APBA1: variants seen among roughly 807,000 people sequenced by gnomAD.
The protein encoded by APBA1 is amyloid-beta A4 precursor protein-binding family A member 1.
APBA1 carries 55 observed loss-of-function variants against 86.6 expected under a neutral mutation model. The ratio of observed to expected loss-of-function variants is 0.64; its 90% CI spans 0.51 to 0.80. The LOEUF is 0.80. APBA1 is among the 30% of genes least tolerant of loss of function. APBA1 has a pLI of 0.00. For missense variants in APBA1, 1,090 were observed against 1,183.0 expected (o/e 0.92, Z 1.15); for synonymous variants, 511 against 493.9 (o/e 1.03, Z -0.46).
intron 1 of APBA1, among the ~76,000 whole-genome samples, chr9:69,531,488 T>C (rs1038102153): frequency 2.6e-5 from 4 of 152,174 alleles, no homozygotes; most frequent in Non-Finnish European, 2.9e-5. Flanking sequence ...ACCCCTGTCC[T>C]CTAATTTCAG....
rs774839950 is a variant in APBA1 at position 69,516,023 on chromosome 9, C to T, written c.1188G>A (p.Pro396=). Residue 396 remains proline (P), a synonymous_variant, in exon 2 of 13, where the codon CCG becomes CCA. Transcript: ENST00000265381. This position sits in a 1 kb window ranked among gnomAD's most constrained non-coding sequence, Gnocchi z 7.3. Reference sequence around the variant, plus strand: ...CGCACCTACTTACATCTCCGTCCATCGGCCTCTGGTCGTCACAGTCCCTGG... The same window carrying T: ...CGCACCTACTTACATCTCCGTCCATTGGCCTCTGGTCGTCACAGTCCCTGG... ...SPTRDCDDQR[P]MDGDSPSPGS... is the part of the protein sequence containing the mutation. 3.2e-6 allele frequency: 5 copies of T among 1,575,206 alleles called. No homozygotes were observed. Among genetic ancestry groups the T allele is most frequent in the Non-Finnish European group, 8.6e-7 (1 of 1,156,904 alleles).
upstream of APBA1, among the ~76,000 whole-genome samples, chr9:69,672,544 G>A (rs1823977463): frequency 6.8e-6 from 1 of 147,248 alleles, no homozygotes; most frequent in Admixed American, 6.7e-5. Flanking sequence ...TGCGCGCGCG[G>A]CCCGCGAGCC....
At chr9:69,628,987 T>C (rs945911186) in intron 1 of APBA1, among the ~76,000 whole-genome samples, 7 of 152,200 alleles carry the variant, frequency 4.6e-5, no homozygotes, top group Non-Finnish European at 8.8e-5. Flanking sequence ...CACAATTATA[T>C]TTTTTAGGCT....
chr9:69,476,376 C>T (rs934821977), intron 2 of APBA1, among the ~76,000 whole-genome samples: 2 of 152,026 alleles, frequency 1.3e-5, no homozygotes, highest in Non-Finnish European at 2.9e-5. Context: ...AGCTATGGGC[C>T]GTTTTTCCCC....
At chr9:69,437,260 C>T (rs371673768) in intron 11 of APBA1, among the ~76,000 whole-genome samples, 31 of 151,054 alleles carry the variant, frequency 2.1e-4, no homozygotes, top group Non-Finnish European at 3.5e-4. Flanking sequence ...TGTCTCTGCC[C>T]GGCTTTGGTA....
intron 2 of APBA1, among the ~76,000 whole-genome samples, chr9:69,511,626 A>G (rs1057444068): frequency 6.6e-6 from 1 of 151,892 alleles, no homozygotes; most frequent in Non-Finnish European, 1.5e-5. Context: ...ATGCACACGT[A>G]TGTTTACTGC....
intron 1 of APBA1, among the ~76,000 whole-genome samples, chr9:69,536,672 G>A (rs1461940041): frequency 7.4e-6 from 1 of 134,896 alleles, no homozygotes; most frequent in African/African-American, 2.8e-5. Context: ...TTTGAGAGCA[G>A]CCTGGCCAAC....
intron 1 of APBA1, among the ~76,000 whole-genome samples, chr9:69,608,855 G>A (rs1822527065): frequency 6.6e-6 from 1 of 152,174 alleles, no homozygotes; most frequent in Non-Finnish European, 1.5e-5. Context: ...TGTAGTAGGT[G>A]TGGCTTTTTT....
chr9:69,457,978 G>A (rs1305344450), intron 6 of APBA1, among the ~76,000 whole-genome samples, 178 bp downstream of exon 6: 4 of 152,160 alleles, frequency 2.6e-5, no homozygotes, highest in Non-Finnish European at 5.9e-5. Context: ...AACAGAAAAC[G>A]GCCACCTTCG....
At chr9:69,560,921 T>C (rs111290062) in intron 1 of APBA1, among the ~76,000 whole-genome samples, 1 of 152,352 alleles carries the variant, frequency 6.6e-6, no homozygotes, top group African/African-American at 2.4e-5. Context: ...TTCAAGTTAT[T>C]AATTCATCTA....
At chr9:69,627,611 G>A (rs914166373) in intron 1 of APBA1, among the ~76,000 whole-genome samples, 1 of 152,076 alleles carries the variant, frequency 6.6e-6, no homozygotes, top group African/African-American at 2.4e-5. Context: ...TGGAAATAGT[G>A]TTAATGCCAT....
intron 1 of APBA1, among the ~76,000 whole-genome samples, chr9:69,581,024 C>T (rs770248983): frequency 5.3e-5 from 8 of 152,154 alleles, no homozygotes; most frequent in Non-Finnish European, 1.0e-4. Context: ...ATTTCCTGAG[C>T]AGCAGGGGAC....
intron 1 of APBA1, among the ~76,000 whole-genome samples, chr9:69,663,859 C>T (rs1823798627): frequency 6.6e-6 from 1 of 152,158 alleles, no homozygotes; most frequent in South Asian, 2.1e-4. Context: ...ATGTGTATTT[C>T]AGAAAAGAGA....
intron 2 of APBA1, among the ~76,000 whole-genome samples, chr9:69,498,801 T>C (rs1008448752): frequency 6.6e-5 from 10 of 152,186 alleles, no homozygotes; most frequent in African/African-American, 2.4e-4. Context: ...CAGCATAGCT[T>C]TGAGGCCATA....
Position 69,516,699 on chromosome 9 carries a change from G to A in APBA1, c.512C>T (p.Thr171Met), listed in dbSNP as rs754713543. The A allele has an allele frequency of 1.2e-6, 2 of 1,611,008 alleles. No homozygotes were observed. Among genetic ancestry groups the A allele is most frequent in the Admixed American group, 1.7e-5 (1 of 59,814 alleles). ...MNAAYSGYVY[T>M]HRLFHRGEDE... ...CTCACCGCGGTGGAAGAGCCGGTGCGTGTAGACGTAGCCTGAGTAGGCCGC... is the reference window on the plus strand; with the variant it reads ...CTCACCGCGGTGGAAGAGCCGGTGCATGTAGACGTAGCCTGAGTAGGCCGC... Residue 171 changes from threonine (T) to methionine (M), a missense_variant, in exon 2 of 13, where the codon ACG (threonine) becomes ATG (methionine). Around this residue, in one of 6 missense-constraint regions of APBA1, gnomAD observed 678 missense variants for 647.1 expected, o/e 1.05. Coordinates refer to ENST00000265381, the MANE Select transcript of APBA1 (RefSeq NM_001163.4). This position sits in a 1 kb window ranked among gnomAD's most constrained non-coding sequence, Gnocchi z 7.3.
At chr9:69,512,258 T>A (rs1371317697) in intron 2 of APBA1, among the ~76,000 whole-genome samples, 1 of 152,254 alleles carries the variant, frequency 6.6e-6, no homozygotes. Flanking sequence ...AACACAGTTA[T>A]TTTCTCTCAG....
chr9:69,608,300 C>G (rs887382975), intron 1 of APBA1, among the ~76,000 whole-genome samples: 1 of 152,170 alleles, frequency 6.6e-6, no homozygotes, highest in Admixed American at 6.5e-5. Context: ...CAGTGATAAA[C>G]TAATGCACCC....
intron 1 of APBA1, among the ~76,000 whole-genome samples, chr9:69,656,838 T>TC (rs1402580392): frequency 1.0e-5 from 1 of 98,304 alleles, no homozygotes; most frequent in Admixed American, 1.4e-4. Flanking sequence ...AACCGGGAGA[T>TC]CTTTTTTTTT....
chr9:69,458,808 C>CTT (rs533176322), intron 5 of APBA1, among the ~76,000 whole-genome samples: 21 of 140,492 alleles, frequency 1.5e-4, no homozygotes, highest in African/African-American at 3.9e-4. Context: ...CTTTTCTTTT[C>CTT]TTTTTTTTTT....
Sources: allele counts gnomAD v4.1 joint callset (sites outside exome capture counted in the v4.1 genomes callset), GRCh38; gene constraint gnomAD v4.1.1; regional missense constraint gnomAD v4.1.1; non-coding constraint Gnocchi (gnomAD v3.1); transcripts MANE v1.5; gene names NCBI Gene and HGNC (gene_info 2026-07-23, HGNC 2026-07-21).